The following THSD7A variants were observed in gnomAD, a reference collection of about 807,000 sequenced individuals.
THSD7A encodes thrombospondin type-1 domain-containing protein 7A.
A neutral mutation model predicts 231.3 loss-of-function variants in THSD7A; 96 were observed. The observed-to-expected ratio is 0.41, with a 90% CI of 0.35 to 0.49. The LOEUF (loss-of-function observed/expected upper bound fraction) is 0.49. Ranked by LOEUF, THSD7A falls within the 20% of genes least tolerant of loss-of-function variation. The pLI is 0.05. For synonymous variants in THSD7A, 940 were observed against 743.3 expected (o/e 1.26, Z -4.30); for missense variants, 2,290 against 2,070.2 (o/e 1.11, Z -2.06).
At chr7:11,468,255 C>A (rs971828259) in intron 9 of THSD7A, among the ~76,000 whole-genome samples, 2 of 152,068 alleles carry the variant, frequency 1.3e-5, no homozygotes, top group Non-Finnish European at 2.9e-5. Context: ...TGTATTAATT[C>A]TATGTAATTA....
intron 1 of THSD7A, among the ~76,000 whole-genome samples, chr7:11,664,283 T>A (rs1051426388): frequency 2.0e-5 from 3 of 151,854 alleles, no homozygotes; most frequent in African/African-American, 7.2e-5. Flanking sequence ...CAAAATAAAA[T>A]CTACAGCAGT....
intron 6 of THSD7A, among the ~76,000 whole-genome samples, chr7:11,525,774 A>G (rs1408330644): frequency 6.6e-6 from 1 of 152,154 alleles, no homozygotes; most frequent in Non-Finnish European, 1.5e-5. Context: ...GCTAGATTAT[A>G]CTCATTTGGA....
rs148221530 is a variant in THSD7A at position 11,797,462 on chromosome 7, G to A, written c.190+34295C>T. 4.9e-4 allele frequency among the ~76,000 whole-genome samples: 61 copies of A among 125,700 alleles called. 1 individual carries two copies. In the East Asian group the frequency reaches 7.9e-3, roughly 16 times the overall value. The allele number at this position is 125,700 out of a possible 152,430, so 82.5% of individuals were successfully genotyped here. On this transcript the variant is annotated intron_variant, in intron 1 of 27. Coordinates refer to ENST00000423059, the MANE Select transcript of THSD7A (RefSeq NM_015204.3). ...GACAGGGTCGTGTTCTGTAACCCAC[G>A]CTGGAGTGCAGTGGCACAATCTTGG...
intron 1 of THSD7A, among the ~76,000 whole-genome samples, chr7:11,795,955 C>T (rs1471209246): frequency 1.3e-5 from 2 of 149,726 alleles, no homozygotes; most frequent in African/African-American, 2.5e-5. Context: ...AATTGTAATG[C>T]TCCCAATTAT....
intron 2 of THSD7A, among the ~76,000 whole-genome samples, chr7:11,617,022 C>T (rs1388975184): frequency 6.6e-6 from 1 of 152,102 alleles, no homozygotes; most frequent in Non-Finnish European, 1.5e-5. Flanking sequence ...AAACATATCA[C>T]AGTGATGCTA....
intron 2 of THSD7A, among the ~76,000 whole-genome samples, chr7:11,619,938 T>C (rs998006953): frequency 2.6e-5 from 4 of 152,180 alleles, no homozygotes; most frequent in African/African-American, 9.6e-5. Context: ...CTCTATAAGG[T>C]GCTGTTCATC....
intron 1 of THSD7A, among the ~76,000 whole-genome samples, chr7:11,719,352 G>T (rs1406775278): frequency 6.6e-6 from 1 of 151,438 alleles, no homozygotes; most frequent in Non-Finnish European, 1.5e-5. Context: ...AGCCTTCATT[G>T]TTCTGATAGA....
intron 1 of THSD7A, among the ~76,000 whole-genome samples, chr7:11,785,408 C>T (rs908101106): frequency 3.3e-5 from 5 of 151,992 alleles, no homozygotes; most frequent in Non-Finnish European, 5.9e-5. Flanking sequence ...ACTGTTGATC[C>T]TTCAAATTTC....
At chr7:11,388,605 C>T (rs1384815661) in intron 23 of THSD7A, among the ~76,000 whole-genome samples, 2 of 152,122 alleles carry the variant, frequency 1.3e-5, no homozygotes, top group East Asian at 1.9e-4. Flanking sequence ...GTCTGGCTAG[C>T]AGTGTATCTA....
intron 11 of THSD7A, among the ~76,000 whole-genome samples, chr7:11,458,100 TA>T (rs973284753): frequency 1.3e-5 from 2 of 152,068 alleles, no homozygotes; most frequent in African/African-American, 4.8e-5. Flanking sequence ...TCTGATGTGC[TA>T]GGGGGGACAG....
chr7:11,733,340 T>A (rs2128157984), intron 1 of THSD7A, among the ~76,000 whole-genome samples: 1 of 152,046 alleles, frequency 6.6e-6, no homozygotes, highest in South Asian at 2.1e-4. Context: ...TATACAGTGG[T>A]CAATACATCA....
intron 1 of THSD7A, among the ~76,000 whole-genome samples, chr7:11,728,429 T>A (rs937594619): frequency 3.3e-5 from 5 of 151,938 alleles, no homozygotes; most frequent in Admixed American, 3.3e-4. Flanking sequence ...CAAACAAATA[T>A]ATGACTTGAA....
chr7:11,646,080 C>G (rs1410651164), intron 1 of THSD7A, among the ~76,000 whole-genome samples: 1 of 151,912 alleles, frequency 6.6e-6, no homozygotes, highest in Non-Finnish European at 1.5e-5. Context: ...ATTCCTAAAT[C>G]AATGTTTCCC....
At position 11,411,677 on chromosome 7, in the gene THSD7A, G is replaced by A. The variant is rs1173885801; in HGVS notation, c.3683-355C>T. ...ATTTAAAATCTTAGCATTACTTTTA[G>A]CCAAATAATCATAATTGTGACAGAC... is the stretch of plus-strand genomic sequence containing the variant. On this transcript the variant is annotated intron_variant, in intron 18 of 27. Transcript: ENST00000423059. This position sits in a 1 kb window ranked among gnomAD's most constrained non-coding sequence, Gnocchi z 4.1. Among the ~76,000 whole-genome samples, 1 of 152,086 alleles carries A rather than the reference G, an allele frequency of 6.6e-6. No individual in the cohort carries two copies. The highest frequency in any genetic ancestry group is 1.5e-5 in the Non-Finnish European group (1 of 68,022).
intron 1 of THSD7A, among the ~76,000 whole-genome samples, chr7:11,702,311 C>T (rs980954920): frequency 9.9e-5 from 15 of 151,086 alleles, no homozygotes; most frequent in African/African-American, 3.6e-4. Context: ...GCGAAAAATC[C>T]ACGACCAAGC....
intron 1 of THSD7A, among the ~76,000 whole-genome samples, chr7:11,793,101 C>G: frequency 6.6e-6 from 1 of 151,320 alleles, no homozygotes; most frequent in Non-Finnish European, 1.5e-5. Context: ...ATTAGATGGT[C>G]TCTATGAACA....
At chr7:11,730,581 T>C (rs139500770) in intron 1 of THSD7A, among the ~76,000 whole-genome samples, 2,556 of 151,776 alleles carry the variant, frequency 0.017, 82 homozygotes, top group African/African-American at 0.059. Flanking sequence ...GTTGAAAATA[T>C]GAATACGAAC....
rs552755660 is a variant in THSD7A, at chr7:11,682,856, C to A, written c.191-45895G>T. ...TTCTATGATTGATCACGTTTGGTCA[C>A]AAAGCAAGTCTCAACAAATAAAAAA... On this transcript the variant is annotated intron_variant, in intron 1 of 27. Coordinates refer to ENST00000423059, the MANE Select transcript of THSD7A (RefSeq NM_015204.3). 2.2e-4 allele frequency among the ~76,000 whole-genome samples: 33 copies of A among 151,804 alleles called. No individual in the cohort carries two copies. The East Asian group carries it at 6.3e-3, about 29-fold the overall frequency.
At chr7:11,488,328 G>GA (rs776356740) in intron 6 of THSD7A, among the ~76,000 whole-genome samples, 18 of 151,782 alleles carry the variant, frequency 1.2e-4, no homozygotes, top group Non-Finnish European at 1.9e-4. Context: ...ATTAAAGAGG[G>GA]AAAAAATGGA....
Sources: gnomAD v4.1 joint callset for allele counts (sites outside exome capture counted in the v4.1 genomes callset) on GRCh38, gnomAD v4.1.1 for gene constraint, Gnocchi (gnomAD v3.1) non-coding constraint, MANE v1.5 for transcripts, NCBI Gene and HGNC (gene_info 2026-07-23, HGNC 2026-07-21) for gene names.